Variants in DLG5 observed in about 807,000 individuals in gnomAD.
DLG5 encodes the protein discs large MAGUK scaffold protein 5.
In DLG5, 48 loss-of-function variants were observed where a neutral mutation model predicts 189.8. The ratio of observed to expected loss-of-function variants is 0.25; its 90% CI spans 0.20 to 0.32. The LOEUF is 0.32. Among genes scored for constraint, DLG5 ranks in the 10% least tolerant of loss-of-function variants. DLG5 has a pLI of 1.00. For missense variants in DLG5, 2,160 were observed against 2,544.7 expected, an observed-to-expected ratio of 0.85 and a Z score of 3.25; for synonymous variants, 1,016 against 1,054.1, an observed-to-expected ratio of 0.96 and a Z score of 0.70.
intron 29 of DLG5, among the ~76,000 whole-genome samples, chr10:77,795,196 A>G (rs1333510000): frequency 6.6e-6 from 1 of 152,218 alleles, no homozygotes; most frequent in Non-Finnish European, 1.5e-5. Context: ...TGGCCAGCCC[A>G]ACTCCAAACT....
At chr10:77,806,736 C>A (rs368629161) in intron 26 of DLG5, 22 bp downstream of exon 26, 12 of 1,591,498 alleles carry the variant, frequency 7.5e-6, no homozygotes, top group African/African-American at 4.0e-5. Context: ...CCCACCCCAC[C>A]CCAGGCCCGG....
chr10:77,887,055 T>C (rs1242367373), intron 1 of DLG5, among the ~76,000 whole-genome samples: 6 of 152,198 alleles, frequency 3.9e-5, no homozygotes, highest in Admixed American at 3.9e-4. Context: ...AGCAAACTAA[T>C]ACAGTTGCAA....
At chr10:77,820,370 A>C in intron 15 of DLG5, 4 of 184,898 alleles carry the variant, frequency 2.2e-5, no homozygotes, top group East Asian at 1.7e-4. Flanking sequence ...AAAAAAACCA[A>C]ACAGTGGAAC....
intron 1 of DLG5, among the ~76,000 whole-genome samples, chr10:77,872,557 G>C (rs924013111): frequency 6.6e-6 from 1 of 152,120 alleles, no homozygotes; most frequent in African/African-American, 2.4e-5. Context: ...ACAGGACCCA[G>C]TTTTTACAAT....
intron 13 of DLG5, among the ~76,000 whole-genome samples, chr10:77,828,295 G>A (rs1450175619): frequency 1.3e-5 from 2 of 151,970 alleles, no homozygotes; most frequent in Non-Finnish European, 2.9e-5. Context: ...AGACCAGCCT[G>A]GCCAACATGG....
intron 20 of DLG5, among the ~76,000 whole-genome samples, chr10:77,813,716 A>G (rs1189115948): frequency 6.6e-6 from 1 of 152,206 alleles, no homozygotes; most frequent in African/African-American, 2.4e-5. Flanking sequence ...GTATCACAAT[A>G]AAGGAGCAAG....
chr10:77,927,072 G>A (rs1350373455), upstream of DLG5: 3 of 213,516 alleles, frequency 1.4e-5, no homozygotes, highest in Non-Finnish European at 2.8e-5. Flanking sequence ...GCCGCCACCC[G>A]CTCCCCCGTG....
chr10:77,867,777 A>G (rs1480615706), intron 2 of DLG5: 1 of 361,976 alleles, frequency 2.8e-6, no homozygotes, highest in Non-Finnish European at 5.5e-6. Context: ...TGCATTCTAA[A>G]AGGGGAGTCC....
Position 77,821,749 on chromosome 10 carries a change from C to A in DLG5, c.2735G>T (p.Gly912Val). 1 of 1,608,720 alleles carries A rather than the reference C, an allele frequency of 6.2e-7. No individual in the cohort carries two copies. Reference protein sequence around the residue: ...DRGFGLVDVRGRRPLLPFETE... With the variant: ...DRGFGLVDVRVRRPLLPFETE... Reference sequence around the variant, plus strand: ...CTCAAAGGGCAGCAGTGGCCGCCGGCCACGCACGTCCACCAGCCCAAAGCC... The same window carrying A: ...CTCAAAGGGCAGCAGTGGCCGCCGGACACGCACGTCCACCAGCCCAAAGCC... Residue 912 changes from glycine to valine, a missense_variant, in exon 15 of 32, where the codon GGC becomes GTC. Physicochemically the swap from Gly to Val is moderately radical, Grantham distance 109 (BLOSUM62 -3). Coordinates refer to ENST00000372391, the MANE Select transcript of DLG5 (RefSeq NM_004747.4).
chr10:77,869,199 TG>T lies in DLG5; in HGVS notation c.305-3del. The T allele has an allele frequency of 6.2e-7, 1 of 1,613,518 alleles. No homozygotes were observed. Among genetic ancestry groups the T allele is most frequent in the South Asian group, 1.1e-5 (1 of 91,030 alleles). On this transcript the variant is annotated splice_region_variant and splice_polypyrimidine_tract_variant and intron_variant, in intron 1 of 31. Transcript: ENST00000372391. Reference sequence around the variant, plus strand: ...TGGACAGGACGCTGTAGGTAGAACCTGGGGAAAGAGGGGAGACCATGTTACT... The same window carrying T: ...TGGACAGGACGCTGTAGGTAGAACCTGGGAAAGAGGGGAGACCATGTTACT...
At chr10:77,914,518 G>C (rs541934559) in intron 1 of DLG5, among the ~76,000 whole-genome samples, 2 of 152,150 alleles carry the variant, frequency 1.3e-5, no homozygotes, top group African/African-American at 2.4e-5. Flanking sequence ...CACAGCTTAG[G>C]AGTAAAGAGC....
At chr10:77,888,206 G>A (rs1845498474) in intron 1 of DLG5, among the ~76,000 whole-genome samples, 1 of 152,192 alleles carries the variant, frequency 6.6e-6, no homozygotes, top group Non-Finnish European at 1.5e-5. Context: ...CCAGAGAACA[G>A]AGCAAATGCA....
At chr10:77,859,226 T>G (rs1289648602) in intron 2 of DLG5, among the ~76,000 whole-genome samples, 1 of 152,126 alleles carries the variant, frequency 6.6e-6, no homozygotes, top group African/African-American at 2.4e-5. Flanking sequence ...GTCAAAAAGT[T>G]AAAAAAATAT....
In DLG5 at chr10:77,796,891, T is replaced by C. The variant is rs1341837896; in HGVS notation, c.5165-297A>G. Among the ~76,000 whole-genome samples the C allele has an allele frequency of 1.3e-5, 2 of 152,134 alleles. No individual in the cohort carries two copies. Among genetic ancestry groups the C allele is most frequent in the Non-Finnish European group, 2.9e-5 (2 of 68,018 alleles). ...GTCGACGCCTGCTTCCCCTGCCCCATCTCCATTCTCCTCTGCTCTCTGGCA... is the reference window on the plus strand; with the variant it reads ...GTCGACGCCTGCTTCCCCTGCCCCACCTCCATTCTCCTCTGCTCTCTGGCA... On this transcript the variant is annotated intron_variant, in intron 27 of 31. Transcript: ENST00000372391. The surrounding 1 kb of genome is among the most constrained non-coding windows in gnomAD (Gnocchi z 5.2).
At chr10:77,809,491 C>T in intron 24 of DLG5, 56 bp downstream of exon 24, 5 of 1,537,686 alleles carry the variant, frequency 3.3e-6, no homozygotes, top group Non-Finnish European at 4.4e-6. Flanking sequence ...GAGATGGCAG[C>T]AAGCCCACTG....
At chr10:77,800,808 C>T (rs1225937356) in intron 27 of DLG5, among the ~76,000 whole-genome samples, 1 of 152,204 alleles carries the variant, frequency 6.6e-6, no homozygotes, top group Non-Finnish European at 1.5e-5. Context: ...TCCATGGCCT[C>T]CCAGTGCTGA....
At chr10:77,816,285 G>A in intron 20 of DLG5, 1 of 684,452 alleles carries the variant, frequency 1.5e-6, no homozygotes, top group Non-Finnish European at 2.7e-6. Flanking sequence ...GGTGTAAATG[G>A]TGCCATGATG....
intron 1 of DLG5, among the ~76,000 whole-genome samples, chr10:77,917,156 A>T (rs924920678): frequency 6.6e-6 from 1 of 151,560 alleles, no homozygotes; most frequent in Non-Finnish European, 1.5e-5. Context: ...GCAACATGGC[A>T]AAGCCCCGTC....
intron 23 of DLG5, among the ~76,000 whole-genome samples, chr10:77,810,687 T>C (rs1352193372): frequency 6.6e-6 from 1 of 152,156 alleles, no homozygotes; most frequent in Non-Finnish European, 1.5e-5. Flanking sequence ...CGGCCGGCAG[T>C]GCCCTCCCAG....
Sources: allele counts gnomAD v4.1 joint callset (sites outside exome capture counted in the v4.1 genomes callset), GRCh38; gene constraint gnomAD v4.1.1; non-coding constraint Gnocchi (gnomAD v3.1); transcripts MANE v1.5; gene names NCBI Gene and HGNC (gene_info 2026-07-23, HGNC 2026-07-21).